The following SFXN1 variants were observed in gnomAD, a reference collection of about 807,000 sequenced individuals.
SFXN1 encodes sideroflexin-1.
SFXN1 carries 32 observed loss-of-function variants against 39.5 expected under a neutral mutation model. The ratio of observed to expected loss-of-function variants is 0.81; its 90% CI spans 0.61 to 1.09. SFXN1 has a LOEUF of 1.09. Among genes scored for constraint, SFXN1 ranks in the 50% least tolerant of loss-of-function variants. The pLI is 0.00. For missense variants in SFXN1, 402 were observed against 407.1 expected (o/e 0.99, Z 0.11); for synonymous variants, 136 against 146.5 (o/e 0.93, Z 0.52).
At chr5:175,479,608 T>C (rs1282307297) in intron 1 of SFXN1, among the ~76,000 whole-genome samples, 2 of 152,184 alleles carry the variant, frequency 1.3e-5, no homozygotes, top group African/African-American at 4.8e-5. Context: ...TCTCCTCATG[T>C]GAACAGGGCC....
intron 1 of SFXN1, among the ~76,000 whole-genome samples, chr5:175,487,961 C>G (rs1366417559): frequency 2.0e-5 from 3 of 152,216 alleles, no homozygotes; most frequent in Admixed American, 6.5e-5. Context: ...GTACCTCTTG[C>G]CACCTGCGCT....
At chr5:175,486,160 G>A (rs938507185) in intron 1 of SFXN1, among the ~76,000 whole-genome samples, 3 of 151,514 alleles carry the variant, frequency 2.0e-5, no homozygotes, top group Non-Finnish European at 4.4e-5. Context: ...TAGTGTAAAG[G>A]TCAAGTTTTT....
intron 2 of SFXN1, among the ~76,000 whole-genome samples, chr5:175,495,936 T>C (rs988234309): frequency 1.3e-5 from 2 of 149,652 alleles, no homozygotes; most frequent in African/African-American, 4.9e-5. Flanking sequence ...GTTTCGCTCT[T>C]GTTGCCCAGG....
intron 10 of SFXN1, among the ~76,000 whole-genome samples, chr5:175,525,194 G>A (rs1761021305): frequency 6.6e-6 from 1 of 152,218 alleles, no homozygotes; most frequent in African/African-American, 2.4e-5. Flanking sequence ...TACATTCATA[G>A]TAATTACAGA....
At chr5:175,521,022 A>G (rs905496308) in intron 8 of SFXN1, among the ~76,000 whole-genome samples, 5 of 151,958 alleles carry the variant, frequency 3.3e-5, no homozygotes, top group African/African-American at 1.2e-4. Flanking sequence ...GGACCAGGGT[A>G]TGCCTCCCAT....
intron 2 of SFXN1, among the ~76,000 whole-genome samples, chr5:175,508,709 C>G (rs958147761): frequency 2.6e-5 from 4 of 152,080 alleles, no homozygotes; most frequent in Non-Finnish European, 5.9e-5. Context: ...GCGATCTTGG[C>G]TCACTGTAAC....
chr5:175,518,564 A>G (rs1274713413), intron 8 of SFXN1, among the ~76,000 whole-genome samples: 1 of 152,188 alleles, frequency 6.6e-6, no homozygotes, highest in Non-Finnish European at 1.5e-5. Context: ...GAGGGAGCGC[A>G]TAGGAGGTAT....
Position 175,509,117 on chromosome 5 carries a change from G to A in SFXN1, c.250G>A (p.Gly84Ser), listed in dbSNP as rs1323479668. 6 of 1,613,934 alleles carry A rather than the reference G, an allele frequency of 3.7e-6. No homozygotes were observed. Among genetic ancestry groups the A allele is most frequent in the Non-Finnish European group, 1.7e-6 (2 of 1,179,940 alleles). The change falls in exon 3 of 11, where the codon GGT becomes AGT. Residue 84 changes from glycine (G) to serine (S), a missense_variant. Physicochemically the swap from Gly to Ser is moderately conservative, Grantham distance 56. Coordinates refer to ENST00000321442, the MANE Select transcript of SFXN1 (RefSeq NM_022754.7). ...IYDSAFHPDT[G>S]EKMILIGRMS... ...TGATTCAGCTTTTCATCCTGACACT[G>A]GTGAGAAGATGATTTTGATAGGAAG...
At chr5:175,518,833 A>G (rs112750735) in intron 8 of SFXN1, among the ~76,000 whole-genome samples, 1,671 of 152,350 alleles carry the variant, frequency 0.011, 41 homozygotes, top group African/African-American at 0.038. Flanking sequence ...AACACGGGCT[A>G]GGCAAAGACT....
At chr5:175,503,805 C>T (rs1023675940) in intron 2 of SFXN1, among the ~76,000 whole-genome samples, 13 of 152,076 alleles carry the variant, frequency 8.5e-5, no homozygotes, top group African/African-American at 3.1e-4. Flanking sequence ...GAATTCGAGA[C>T]CAGCCTGGCT....
intron 1 of SFXN1, chr5:175,484,284 A>G (rs1161543167): frequency 6.6e-6 from 1 of 152,294 alleles, no homozygotes; most frequent in Non-Finnish European, 1.5e-5. Flanking sequence ...CAGGGGCCAT[A>G]ATTTGCCAGA....
chr5:175,515,577 G>A (rs955632302), intron 7 of SFXN1, among the ~76,000 whole-genome samples: 7 of 152,258 alleles, frequency 4.6e-5, no homozygotes, highest in African/African-American at 1.2e-4. Context: ...TTTACATGCA[G>A]TATTGTCTCC....
chr5:175,483,267 G>A (rs1213093265), intron 1 of SFXN1, among the ~76,000 whole-genome samples: 1 of 152,170 alleles, frequency 6.6e-6, no homozygotes, highest in Non-Finnish European at 1.5e-5. Flanking sequence ...CGACATCATT[G>A]TGAGAATGTC....
At chr5:175,502,105 C>G (rs1424543152) in intron 2 of SFXN1, among the ~76,000 whole-genome samples, 1 of 152,080 alleles carries the variant, frequency 6.6e-6, no homozygotes, top group Non-Finnish European at 1.5e-5. Context: ...GATGGCAGAA[C>G]TGGTTGGGCC....
At chr5:175,503,449 G>A (rs11134927) in intron 2 of SFXN1, among the ~76,000 whole-genome samples, 62,246 of 152,002 alleles carry the variant, frequency 0.41, 13,103 homozygotes, top group South Asian at 0.53. Flanking sequence ...AATTTATTCC[G>A]AGAATGAAAA....
intron 8 of SFXN1, among the ~76,000 whole-genome samples, chr5:175,520,150 G>A (rs1317000978): frequency 1.3e-5 from 2 of 151,850 alleles, no homozygotes; most frequent in African/African-American, 4.8e-5. Flanking sequence ...TTACAGGCAT[G>A]AGCCACCACA....
chr5:175,489,774 C>G (rs1431574273), intron 1 of SFXN1, among the ~76,000 whole-genome samples: 1 of 152,148 alleles, frequency 6.6e-6, no homozygotes, highest in East Asian at 1.9e-4. Flanking sequence ...AGGTCCAGCA[C>G]AAGGCTGGGC....
chr5:175,502,970 A>T (rs1760141113), intron 2 of SFXN1, among the ~76,000 whole-genome samples: 2 of 152,264 alleles, frequency 1.3e-5, no homozygotes, highest in African/African-American at 4.8e-5. Context: ...GAGGTCAGAC[A>T]CAAAATACAC....
intron 6 of SFXN1, 48 bp downstream of exon 6, chr5:175,512,244 G>C: frequency 2.7e-6 from 4 of 1,500,974 alleles, no homozygotes; most frequent in Non-Finnish European, 3.7e-6. Context: ...TGACAGGAGA[G>C]TCTCTTGTAA....
Sources: allele counts gnomAD v4.1 joint callset (sites outside exome capture counted in the v4.1 genomes callset), GRCh38; gene constraint gnomAD v4.1.1; transcripts MANE v1.5; gene names NCBI Gene and HGNC (gene_info 2026-07-23, HGNC 2026-07-21).